HOOK3: variants seen among roughly 807,000 people sequenced by gnomAD.
The protein encoded by HOOK3 is protein Hook homolog 3.
In HOOK3, 24 loss-of-function variants were observed where a neutral mutation model predicts 116.3. The ratio of observed to expected loss-of-function variants is 0.21; its 90% CI spans 0.15 to 0.29. The LOEUF (loss-of-function observed/expected upper bound fraction) is 0.29. Ranked by LOEUF, HOOK3 falls within the 10% of genes least tolerant of loss-of-function variation. The probability of loss-of-function intolerance (pLI) is 1.00; values close to 1 mark genes in which losing one functional copy is unlikely to be tolerated. For synonymous variants in HOOK3, 275 were observed against 283.0 expected (o/e 0.97, Z 0.28); for missense variants, 632 against 830.2 (o/e 0.76, Z 2.93).
intron 5 of HOOK3, among the ~76,000 whole-genome samples, chr8:42,946,972 T>C (rs1052988962): frequency 1.7e-4 from 26 of 152,108 alleles, no homozygotes; most frequent in African/African-American, 5.3e-4. Context: ...GTTTTTACCA[T>C]GTTGGTCAGG....
intron 21 of HOOK3, among the ~76,000 whole-genome samples, chr8:43,017,278 T>C (rs768960939): frequency 1.3e-5 from 2 of 152,198 alleles, no homozygotes; most frequent in Non-Finnish European, 2.9e-5. Flanking sequence ...GTTGTTGTTA[T>C]CGTTTTTGAG....
intron 4 of HOOK3, among the ~76,000 whole-genome samples, chr8:42,938,258 C>T (rs1216603004): frequency 7.0e-6 from 1 of 142,158 alleles, no homozygotes; most frequent in African/African-American, 2.7e-5. Context: ...GGTAAATCTT[C>T]CTGCATCCCT....
At chr8:42,997,429 A>G (rs1423239672) in intron 15 of HOOK3, 121 bp from the exon 16 acceptor site, 2 of 627,128 alleles carry the variant, frequency 3.2e-6, no homozygotes, top group African/African-American at 1.9e-5. Context: ...CTACTATACT[A>G]CTACTGCTAT....
chr8:43,029,821 ATT>A lies in HOOK3; in HGVS notation c.*11324_*11325del, dbSNP rs1197489526. 1 of 211,650 alleles carries A rather than the reference ATT, an allele frequency of 4.7e-6. No individual in the cohort carries two copies. The allele number at this position is 211,650 out of a possible 1,614,324, so 13.1% of individuals were successfully genotyped here. On this transcript the variant is annotated 3_prime_UTR_variant, in exon 22 of 22. Transcript: ENST00000307602. ...CTTAGTACATTGGAGCTGGAGTTGT[ATT>A]GAGTACAGCCCCAACTCTGAAGCCT... is the stretch of plus-strand genomic sequence containing the variant.
intron 1 of HOOK3, among the ~76,000 whole-genome samples, chr8:42,899,406 C>G (rs1385479830): frequency 2.6e-5 from 4 of 152,122 alleles, no homozygotes; most frequent in African/African-American, 9.7e-5. Flanking sequence ...GGGCAGTGTT[C>G]ATGAAGATGT....
In HOOK3 at chr8:43,019,296, A is replaced by G. The variant is rs893903186; in HGVS notation, c.*798A>G. 4.7e-6 allele frequency: 1 copy of G among 215,036 alleles called. No homozygotes were observed. The highest frequency in any genetic ancestry group is 9.4e-6 in the Non-Finnish European group (1 of 106,842). The allele number at this position is 215,036 out of a possible 1,614,324, so 13.3% of individuals were successfully genotyped here. A position where few individuals can be genotyped will look rare whatever the true frequency, so the allele number is the denominator to read the frequency against. ...CTTGTTCTTTTGGAATATCTTAGTA[A>G]CTGAGGATCATTTTCTAACAATGTG... On this transcript the variant is annotated 3_prime_UTR_variant, in exon 22 of 22. Transcript: ENST00000307602.
chr8:42,994,107 C>T (rs1162706566), intron 15 of HOOK3, among the ~76,000 whole-genome samples: 3 of 152,164 alleles, frequency 2.0e-5, no homozygotes, highest in Non-Finnish European at 4.4e-5. Context: ...CCTCCACCTC[C>T]TGGGTTCAAG....
intron 2 of HOOK3, among the ~76,000 whole-genome samples, chr8:42,917,981 T>G (rs1401383978): frequency 6.6e-6 from 1 of 152,218 alleles, no homozygotes; most frequent in Non-Finnish European, 1.5e-5. Flanking sequence ...TGCCTAAGAA[T>G]CAATGTATCT....
chr8:42,949,610 G>A (rs1465825117), intron 5 of HOOK3: 1 of 151,854 alleles, frequency 6.6e-6, no homozygotes, highest in Non-Finnish European at 1.5e-5. Context: ...CATTTTTTTT[G>A]TTTGCTGTAG....
chr8:42,944,527 T>G (rs1174450954), intron 5 of HOOK3, among the ~76,000 whole-genome samples: 1 of 151,484 alleles, frequency 6.6e-6, no homozygotes, highest in African/African-American at 2.4e-5. Context: ...AACAGGCTTG[T>G]AAAATTAATG....
At chr8:42,975,019 C>A (rs957314825) in intron 13 of HOOK3, among the ~76,000 whole-genome samples, 56 of 152,278 alleles carry the variant, frequency 3.7e-4, no homozygotes, top group African/African-American at 1.3e-3. Context: ...TATGAACTCC[C>A]CTCCTTGGCG....
At chr8:42,919,612 A>G (rs1333315540) in intron 2 of HOOK3, among the ~76,000 whole-genome samples, 5 of 152,190 alleles carry the variant, frequency 3.3e-5, no homozygotes, top group Non-Finnish European at 5.9e-5. Flanking sequence ...TGGAGGTTGT[A>G]GCCAGCCGAG....
At chr8:42,983,354 T>A (rs571126953) in intron 14 of HOOK3, among the ~76,000 whole-genome samples, 2 of 151,308 alleles carry the variant, frequency 1.3e-5, no homozygotes, top group East Asian at 3.9e-4. Context: ...AAAAAAAGGT[T>A]TATCTGCTAA....
At chr8:42,937,352 A>ATTTTT (rs35303192) in intron 4 of HOOK3, among the ~76,000 whole-genome samples, 56 of 113,902 alleles carry the variant, frequency 4.9e-4, no homozygotes, top group African/African-American at 1.8e-3. Context: ...GGATTCATTG[A>ATTTTT]TTTTTTTTTT....
chr8:42,985,338 T>G (rs567630206), intron 14 of HOOK3, among the ~76,000 whole-genome samples: 3 of 152,282 alleles, frequency 2.0e-5, no homozygotes, highest in South Asian at 4.2e-4. Flanking sequence ...TAATTGGGGG[T>G]TTATTAAATA....
chr8:42,917,530 A>G (rs930173274), intron 2 of HOOK3, among the ~76,000 whole-genome samples: 8 of 152,240 alleles, frequency 5.3e-5, no homozygotes, highest in African/African-American at 1.9e-4. Context: ...GGAGCTCCTT[A>G]TGAATTACAA....
intron 2 of HOOK3, among the ~76,000 whole-genome samples, chr8:42,918,028 G>A (rs973912770): frequency 6.6e-6 from 1 of 152,202 alleles, no homozygotes; most frequent in Non-Finnish European, 1.5e-5. Context: ...AAGATGCCAT[G>A]TTAAGAAATG....
rs1809843115 is a variant in HOOK3 at position 43,022,184 on chromosome 8, A to C, written c.*3686A>C. On this transcript the variant is annotated 3_prime_UTR_variant, in exon 22 of 22. Transcript: ENST00000307602. ...GGTGGCAACTCCATGTCCGGTGTCCAGCTTTGGACAGGGTTTATGACGTTT... is the reference window on the plus strand; with the variant it reads ...GGTGGCAACTCCATGTCCGGTGTCCCGCTTTGGACAGGGTTTATGACGTTT... The C allele has an allele frequency of 9.6e-6, 2 of 208,698 alleles. No homozygotes were observed. Among genetic ancestry groups the C allele is most frequent in the Admixed American group, 1.2e-4 (2 of 16,924 alleles). 12.9% of individuals were successfully genotyped at this position (208,698 alleles called of 1,614,324 possible).
rs72647257 is a variant in HOOK3 at position 43,018,604 on chromosome 8, A to C, written c.*106A>C. 13 of 1,120,240 alleles carry C rather than the reference A, an allele frequency of 1.2e-5. No homozygotes were observed. The African/African-American group carries it at 1.6e-4, about 14-fold the overall frequency. 69.4% of individuals were successfully genotyped at this position (1,120,240 alleles called of 1,614,324 possible). Reference sequence around the variant, plus strand: ...CCAGCTTATTTTTTGTTTCTCTTCTATGTCAATACTTAGTGTTTCTCATTT... The same window carrying C: ...CCAGCTTATTTTTTGTTTCTCTTCTCTGTCAATACTTAGTGTTTCTCATTT... On this transcript the variant is annotated 3_prime_UTR_variant, in exon 22 of 22. Transcript: ENST00000307602.
Sources: allele counts gnomAD v4.1 joint callset (sites outside exome capture counted in the v4.1 genomes callset), GRCh38; gene constraint gnomAD v4.1.1; transcripts MANE v1.5; gene names NCBI Gene and HGNC (gene_info 2026-07-23, HGNC 2026-07-21).